The following MTHFD2L variants were observed in gnomAD, a reference collection of about 807,000 sequenced individuals.
MTHFD2L encodes the protein methylenetetrahydrofolate dehydrogenase (NADP+ dependent) 2 like.
MTHFD2L carries 29 observed loss-of-function variants against 34.9 expected under a neutral mutation model. The ratio of observed to expected loss-of-function variants is 0.83; its 90% CI spans 0.62 to 1.13. MTHFD2L has a LOEUF of 1.13. Ranked by LOEUF, MTHFD2L falls within the 50% of genes most tolerant of loss-of-function variation. The pLI, the probability that MTHFD2L is intolerant of heterozygous loss-of-function variation, is 0.00. For synonymous variants in MTHFD2L, 167 were observed against 155.7 expected (o/e 1.07, Z -0.54); for missense variants, 481 against 446.5 (o/e 1.08, Z -0.70).
intron 1 of MTHFD2L, among the ~76,000 whole-genome samples, chr4:74,138,661 A>G (rs1439261008): frequency 2.0e-5 from 3 of 152,138 alleles, no homozygotes; most frequent in African/African-American, 7.2e-5. Flanking sequence ...GTGGAAGTCA[A>G]TGGAGGGTCT....
intron 7 of MTHFD2L, among the ~76,000 whole-genome samples, chr4:74,289,171 T>A (rs1748569403): frequency 1.3e-5 from 2 of 152,172 alleles, no homozygotes; most frequent in African/African-American, 4.8e-5. Flanking sequence ...CATATCTATA[T>A]AACAAGGCAG....
intron 6 of MTHFD2L, among the ~76,000 whole-genome samples, chr4:74,266,649 G>C (rs186062373): frequency 6.6e-6 from 1 of 151,974 alleles, no homozygotes; most frequent in African/African-American, 2.4e-5. Flanking sequence ...CTGACTTTTC[G>C]AACTCAACCC....
intron 6 of MTHFD2L, among the ~76,000 whole-genome samples, chr4:74,279,706 A>G (rs1215546754): frequency 6.6e-6 from 1 of 152,100 alleles, no homozygotes; most frequent in Non-Finnish European, 1.5e-5. Flanking sequence ...TACTCAATGT[A>G]TGTCTTCTTT....
At chr4:74,270,448 G>C (rs1264857379) in intron 6 of MTHFD2L, among the ~76,000 whole-genome samples, 2 of 151,840 alleles carry the variant, frequency 1.3e-5, no homozygotes, top group Admixed American at 6.6e-5. Context: ...GCAACAGTTT[G>C]CTGAGAATGA....
upstream of MTHFD2L, chr4:74,158,017 C>T (rs1560420736): frequency 4.2e-6 from 6 of 1,437,440 alleles, no homozygotes; most frequent in Non-Finnish European, 4.7e-6. Context: ...CTGCCGGAAC[C>T]TGGCTGGGAA....
At chr4:74,156,006 C>G (rs1004946612), upstream of MTHFD2L, among the ~76,000 whole-genome samples, 1 of 150,726 alleles carries the variant, frequency 6.6e-6, no homozygotes, top group Non-Finnish European at 1.5e-5. Flanking sequence ...TCTTATTTTT[C>G]TATGCAAGTC....
At chr4:74,206,477 A>G (rs1735340265) in intron 5 of MTHFD2L, among the ~76,000 whole-genome samples, 1 of 152,158 alleles carries the variant, frequency 6.6e-6, no homozygotes, top group Non-Finnish European at 1.5e-5. Context: ...ATACTAGCAT[A>G]CGGTTAGATA....
intron 6 of MTHFD2L, among the ~76,000 whole-genome samples, chr4:74,240,285 A>G (rs1271874102): frequency 6.6e-6 from 1 of 152,184 alleles, no homozygotes; most frequent in East Asian, 1.9e-4. Context: ...ATTTTTTAAA[A>G]CTTTTTTGGG....
At chr4:74,244,857 C>G (rs1742190462) in intron 6 of MTHFD2L, among the ~76,000 whole-genome samples, 1 of 152,052 alleles carries the variant, frequency 6.6e-6, no homozygotes, top group South Asian at 2.1e-4. Flanking sequence ...CTGCCTTTTC[C>G]AACTACATAT....
intron 1 of MTHFD2L, among the ~76,000 whole-genome samples, chr4:74,130,680 A>AC (rs747907022): frequency 2.0e-5 from 3 of 152,212 alleles, no homozygotes; most frequent in Non-Finnish European, 4.4e-5. Context: ...CCGGCACAAG[A>AC]CAAGGATGCC....
rs116493219 is a variant in MTHFD2L at position 74,200,769 on chromosome 4, G to T, written c.605-494G>T. On this transcript the variant is annotated intron_variant, in intron 4 of 7. Coordinates refer to ENST00000325278, the MANE Select transcript of MTHFD2L (RefSeq NM_001144978.3). ...GAAGAAACTGAGTCCAAAAGAAGTAGAAGGTTCTACAGGCTTTATTTTTTT... is the reference window on the plus strand; with the variant it reads ...GAAGAAACTGAGTCCAAAAGAAGTATAAGGTTCTACAGGCTTTATTTTTTT... Among the ~76,000 whole-genome samples, 461 of 152,280 alleles carry T rather than the reference G, an allele frequency of 3.0e-3. 1 individual carries two copies. The highest frequency in any genetic ancestry group is 9.7e-3 in the African/African-American group (405 of 41,562).
intron 1 of MTHFD2L, among the ~76,000 whole-genome samples, chr4:74,138,452 G>A (rs1723084192): frequency 6.6e-6 from 1 of 152,166 alleles, no homozygotes; most frequent in Non-Finnish European, 1.5e-5. Context: ...GGGCCATGCG[G>A]TGAGTGTTAC....
At chr4:74,171,301 C>G (rs1337852752) in intron 1 of MTHFD2L, among the ~76,000 whole-genome samples, 1 of 152,144 alleles carries the variant, frequency 6.6e-6, no homozygotes, top group Admixed American at 6.6e-5. Context: ...TGACATACCA[C>G]CATATGTCCA....
chr4:74,195,769 A>C (rs1306000719), intron 3 of MTHFD2L: 1 of 153,748 alleles, frequency 6.5e-6, no homozygotes, highest in Non-Finnish European at 1.5e-5. Context: ...AACATATGTA[A>C]GAAGTACACT....
chr4:74,232,380 C>T (rs1344310903), intron 6 of MTHFD2L, among the ~76,000 whole-genome samples: 1 of 152,116 alleles, frequency 6.6e-6, no homozygotes, highest in Non-Finnish European at 1.5e-5. Flanking sequence ...GGCCGAGGCA[C>T]TTAGATGAAA....
chr4:74,260,557 T>C (rs1744549345), intron 6 of MTHFD2L, among the ~76,000 whole-genome samples: 2 of 152,126 alleles, frequency 1.3e-5, no homozygotes, highest in South Asian at 2.1e-4. Flanking sequence ...CAGAATACTT[T>C]ATGTTAATGA....
intron 1 of MTHFD2L, among the ~76,000 whole-genome samples, chr4:74,163,831 A>C (rs1725997981): frequency 6.6e-6 from 1 of 152,082 alleles, no homozygotes; most frequent in African/African-American, 2.4e-5. Context: ...TAGAGCTTGG[A>C]ATTGTTAATC....
intron 6 of MTHFD2L, 84 bp from the exon 7 acceptor site, chr4:74,281,341 G>GTGTGTGTGTGTGTGTA: frequency 8.0e-7 from 1 of 1,254,876 alleles, no homozygotes; most frequent in South Asian, 1.4e-5. Flanking sequence ...GTGTGTGTGT[G>GTGTGTGTGTGTGTGTA]TGTGTGTGTA....
rs560923014 is a variant in MTHFD2L, at chr4:74,216,306, G to A, written c.713-8996G>A. 2.7e-4 allele frequency among the ~76,000 whole-genome samples: 41 copies of A among 151,830 alleles called. 2 individuals carry two copies. The highest frequency in any genetic ancestry group is 1.0e-3 in the African/African-American group (41 of 41,184). ...AAACCAGCAGTTCTCAACTTTAGCTGCCCACTAGAATCATCAGGAGGCTTT... is the reference window on the plus strand; with the variant it reads ...AAACCAGCAGTTCTCAACTTTAGCTACCCACTAGAATCATCAGGAGGCTTT... On this transcript the variant is annotated intron_variant, in intron 5 of 7. Coordinates refer to ENST00000325278, the MANE Select transcript of MTHFD2L (RefSeq NM_001144978.3).
Sources: gnomAD v4.1 joint callset for allele counts (sites outside exome capture counted in the v4.1 genomes callset) on GRCh38, gnomAD v4.1.1 for gene constraint, MANE v1.5 for transcripts, NCBI Gene and HGNC (gene_info 2026-07-23, HGNC 2026-07-21) for gene names.